The following ZNF503 variants were observed in gnomAD, a reference collection of about 807,000 sequenced individuals.
The protein encoded by ZNF503 is zinc finger protein 503.
Under a neutral mutation model 34.4 loss-of-function variants are expected in ZNF503, and 15 were observed. The ratio of observed to expected loss-of-function variants is 0.44; its 90% CI spans 0.29 to 0.67. ZNF503 has a LOEUF of 0.67. ZNF503 is among the 30% of genes least tolerant of loss of function. The pLI, the probability that ZNF503 is intolerant of heterozygous loss-of-function variation, is 0.13. For synonymous variants in ZNF503, 580 were observed against 456.8 expected (o/e 1.27, Z -3.44); for missense variants, 1,007 against 926.8 (o/e 1.09, Z -1.12).
At position 75,398,602 on chromosome 10, in the gene ZNF503, G is replaced by C; in HGVS notation, c.*147C>G. On this transcript the variant is annotated 3_prime_UTR_variant, in exon 2 of 2. Coordinates refer to ENST00000372524, the MANE Select transcript of ZNF503 (RefSeq NM_032772.6). ...GGGTCTCGGTCGCTGCTGTCGGGTA[G>C]ATAGATACGGTATACATTTCTTTCC... The C allele has an allele frequency of 1.5e-6, 1 of 668,490 alleles. No homozygotes were observed. Among genetic ancestry groups the C allele is most frequent in the Non-Finnish European group, 2.1e-6 (1 of 471,846 alleles). 41.4% of individuals were successfully genotyped at this position (668,490 alleles called of 1,614,324 possible).
the ZNF503 span, among the ~76,000 whole-genome samples, chr10:75,327,733 C>A: frequency 1.3e-5 from 2 of 152,066 alleles, no homozygotes; most frequent in Non-Finnish European, 2.9e-5. Context: ...GTAATAGTTC[C>A]TTTTCTCTGC....
At chr10:75,346,725 A>G in the ZNF503 span, among the ~76,000 whole-genome samples, 1 of 152,008 alleles carries the variant, frequency 6.6e-6, no homozygotes, top group Non-Finnish European at 1.5e-5. Flanking sequence ...TACAGGTGTG[A>G]GCCACCACAC....
At chr10:75,289,317 G>A in the ZNF503 span, among the ~76,000 whole-genome samples, 1 of 152,170 alleles carries the variant, frequency 6.6e-6, no homozygotes, top group Non-Finnish European at 1.5e-5. Flanking sequence ...TTTGCCGCCT[G>A]CCCACAGGCC....
At chr10:75,382,719 A>G in the ZNF503 span, 1 of 347,054 alleles carries the variant, frequency 2.9e-6, no homozygotes, top group Non-Finnish European at 5.7e-6. Flanking sequence ...AAGCTGTCAA[A>G]ATATGCTGCT....
the ZNF503 span, among the ~76,000 whole-genome samples, chr10:75,289,813 G>A: frequency 2.6e-5 from 4 of 152,068 alleles, no homozygotes; most frequent in Admixed American, 6.6e-5. Context: ...TGATCTGCCC[G>A]CCTTGGCCTC....
the ZNF503 span, among the ~76,000 whole-genome samples, chr10:75,372,224 G>C: frequency 6.6e-6 from 1 of 152,362 alleles, no homozygotes; most frequent in Non-Finnish European, 1.5e-5. Flanking sequence ...GAGCCACTGT[G>C]CCTGGCCTAA....
chr10:75,380,895 T>C, the ZNF503 span, among the ~76,000 whole-genome samples: 2 of 152,222 alleles, frequency 1.3e-5, no homozygotes, highest in East Asian at 1.9e-4. Context: ...GAACCCATCA[T>C]GATCCCCTTA....
At chr10:75,294,200 G>A in the ZNF503 span, among the ~76,000 whole-genome samples, 1 of 152,200 alleles carries the variant, frequency 6.6e-6, no homozygotes, top group Non-Finnish European at 1.5e-5. Context: ...TGGAGGAAAA[G>A]GAGGAGATCT....
the ZNF503 span, among the ~76,000 whole-genome samples, chr10:75,354,350 C>T: frequency 2.5e-3 from 384 of 152,190 alleles, no homozygotes; most frequent in Non-Finnish European, 3.8e-3. Context: ...TGGACAAAGT[C>T]GTAGAAAAAC....
chr10:75,352,392 G>A, the ZNF503 span, among the ~76,000 whole-genome samples: 1 of 132,760 alleles, frequency 7.5e-6, no homozygotes, highest in Non-Finnish European at 1.8e-5. Context: ...CTAGCCTGTT[G>A]GGAAGGGCCT....
At chr10:75,334,210 C>A in the ZNF503 span, among the ~76,000 whole-genome samples, 1 of 151,616 alleles carries the variant, frequency 6.6e-6, no homozygotes, top group East Asian at 2.0e-4. Context: ...CCTCGGGCCC[C>A]GCGGGGCCCG....
chr10:75,335,890 A>G, the ZNF503 span, among the ~76,000 whole-genome samples: 1 of 151,772 alleles, frequency 6.6e-6, no homozygotes, highest in African/African-American at 2.4e-5. Context: ...CTGTTCTTCT[A>G]CTCATCCTTC....
the ZNF503 span, among the ~76,000 whole-genome samples, chr10:75,313,000 A>G: frequency 6.6e-6 from 1 of 152,184 alleles, no homozygotes; most frequent in Non-Finnish European, 1.5e-5. Flanking sequence ...GACACCATGT[A>G]AGATGTGACT....
chr10:75,309,128 C>T, the ZNF503 span, among the ~76,000 whole-genome samples: 2 of 152,166 alleles, frequency 1.3e-5, no homozygotes, highest in African/African-American at 4.8e-5. Context: ...AGGCATGAGC[C>T]ACCATGCCTG....
At chr10:75,289,057 G>A in the ZNF503 span, among the ~76,000 whole-genome samples, 1 of 152,162 alleles carries the variant, frequency 6.6e-6, no homozygotes, top group Non-Finnish European at 1.5e-5. Flanking sequence ...TATGGAAAGA[G>A]GGCGGCCCTG....
At position 75,399,837 on chromosome 10, in the gene ZNF503, T is replaced by A. The variant is rs781376697; in HGVS notation, c.853A>T (p.Ser285Cys). The stretch of plus-strand genomic sequence containing the variant: ...TCCACATTAATCCCGCCGCCGCAGC[T>A]AATCCGGCCGTGTGCCAGCCCCGTG... Reference protein sequence around the residue: ...GPTGLAHGRISCGGGINVDVN... With the variant: ...GPTGLAHGRICCGGGINVDVN... The change falls in exon 2 of 2, where the codon AGC (serine) becomes TGC (cysteine). Residue 285 changes from serine (S) to cysteine (C), a missense_variant. Physicochemically the swap from Ser to Cys is moderately radical, Grantham distance 112. Coordinates refer to ENST00000372524, the MANE Select transcript of ZNF503 (RefSeq NM_032772.6). The A allele has an allele frequency of 7.5e-6, 12 of 1,604,336 alleles. No homozygotes were observed. Among genetic ancestry groups the A allele is most frequent in the Non-Finnish European group, 2.5e-6 (3 of 1,177,042 alleles).
chr10:75,295,271 G>A, the ZNF503 span, among the ~76,000 whole-genome samples: 1 of 151,802 alleles, frequency 6.6e-6, no homozygotes, highest in Non-Finnish European at 1.5e-5. The surrounding 1 kb of genome is among the most constrained non-coding windows in gnomAD (Gnocchi z 4.0). Context: ...ATGGGCCCCG[G>A]GGCGCCCTCA....
chr10:75,291,581 A>C, the ZNF503 span, among the ~76,000 whole-genome samples: 3 of 152,194 alleles, frequency 2.0e-5, no homozygotes, highest in Non-Finnish European at 4.4e-5. Flanking sequence ...ACCACATTCC[A>C]GCCTGGGCAA....
At chr10:75,381,170 A>C in the ZNF503 span, among the ~76,000 whole-genome samples, 251 of 152,320 alleles carry the variant, frequency 1.6e-3, 1 homozygote, top group African/African-American at 5.4e-3. Context: ...AAGATGTAAG[A>C]GGAACTGTTG....
Sources: gnomAD v4.1 joint callset for allele counts (sites outside exome capture counted in the v4.1 genomes callset) on GRCh38, gnomAD v4.1.1 for gene constraint, Gnocchi (gnomAD v3.1) non-coding constraint, MANE v1.5 for transcripts, NCBI Gene and HGNC (gene_info 2026-07-23, HGNC 2026-07-21) for gene names.